Variants in MOV10 observed in about 807,000 individuals in gnomAD.
MOV10 encodes the protein RNA helicase MOV-10.
Under a neutral mutation model 108.4 loss-of-function variants are expected in MOV10, and 39 were observed. The ratio of observed to expected loss-of-function variants is 0.36; its 90% CI spans 0.28 to 0.47. The LOEUF (loss-of-function observed/expected upper bound fraction) is 0.47, where lower values mean the gene tolerates loss of function less well. MOV10 is among the 20% of genes least tolerant of loss of function. MOV10 has a pLI of 1.00. For missense variants in MOV10, 952 were observed against 1,297.6 expected (o/e 0.73, Z 4.09); for synonymous variants, 490 against 523.1 (o/e 0.94, Z 0.86).
In MOV10 at chr1:112,692,759, A is replaced by G. The variant is rs370364431; in HGVS notation, c.972-2A>G. On this transcript the variant is annotated splice_acceptor_variant, in intron 6 of 20. Transcript: ENST00000369645. LOFTEE classifies it high-confidence loss of function. ...CTCACCCCTCCCAACCATCATTTCC[A>G]GGGCCCAGCTGGAGACAGCCCTGAA... 6.2e-7 allele frequency: 1 copy of G among 1,613,638 alleles called. No homozygotes were observed. Among genetic ancestry groups the G allele is most frequent in the Non-Finnish European group, 8.5e-7 (1 of 1,179,920 alleles).
At position 112,696,781 on chromosome 1, in the gene MOV10, C is replaced by T. The variant is rs1186005936; in HGVS notation, c.2133C>T (p.Ser711=). ...SLLERLLTYN[S]LYKKGPDGYD... The stretch of plus-strand genomic sequence containing the variant: ...TGGAGCGGCTGCTCACCTACAACTC[C>T]CTGTACAAGAAGGGCCCTGATGGCT... The change falls in exon 14 of 21, where the codon TCC becomes TCT. Residue 711 remains serine, a synonymous_variant. Coordinates refer to ENST00000369645, the MANE Select transcript of MOV10 (RefSeq NM_001321324.2). 2 of 1,606,122 alleles carry T rather than the reference C, an allele frequency of 1.2e-6. No homozygotes were observed. The highest frequency in any genetic ancestry group is 1.7e-6 in the Non-Finnish European group (2 of 1,176,054).
At chr1:112,696,408 T>C in intron 12 of MOV10, 29 bp from the exon 13 acceptor site, 5 of 1,570,278 alleles carry the variant, frequency 3.2e-6, no homozygotes, top group Non-Finnish European at 4.4e-6. Flanking sequence ...TGCCTGGATA[T>C]GACCCCTGCC....
intron 2 of MOV10, chr1:112,687,180 A>G (rs1673139156): frequency 2.9e-6 from 1 of 349,110 alleles, no homozygotes; most frequent in Non-Finnish European, 5.7e-6. Flanking sequence ...TACTAACAAT[A>G]GTAGCTAACA....
chr1:112,681,011 C>T (rs1459669617), intron 2 of MOV10, among the ~76,000 whole-genome samples: 1 of 151,940 alleles, frequency 6.6e-6, no homozygotes, highest in Non-Finnish European at 1.5e-5. Context: ...TCATTTATCT[C>T]TTTTTGCAGG....
chr1:112,699,718 C>T lies in MOV10; in HGVS notation c.2617C>T (p.Arg873Ter), dbSNP rs1476171944. 6.2e-7 allele frequency: 1 copy of T among 1,614,228 alleles called. No homozygotes were observed. ...GSVEEFQGQE[R>*]SVILISTVRS... Reference sequence around the variant, plus strand: ...AGTAGAAGAATTCCAAGGCCAAGAACGAAGCGTCATCCTCATCTCCACCGT... The same window carrying T: ...AGTAGAAGAATTCCAAGGCCAAGAATGAAGCGTCATCCTCATCTCCACCGT... Residue 873 changes from arginine (R) to a stop codon, truncating the protein, a stop_gained, in exon 18 of 21, where the codon CGA becomes TGA. Transcript: ENST00000369645. LOFTEE classifies it high-confidence loss of function.
intron 15 of MOV10, 45 bp from the exon 16 acceptor site, chr1:112,698,242 A>AG (rs1674290801): frequency 5.0e-6 from 8 of 1,603,530 alleles, no homozygotes; most frequent in Admixed American, 1.7e-5. Context: ...GAGGGAATAG[A>AG]GGGAGGGTGG....
intron 2 of MOV10, chr1:112,685,122 T>C (rs564878402): frequency 2.4e-4 from 37 of 151,772 alleles, no homozygotes; most frequent in African/African-American, 8.0e-4. Context: ...TGGGCTCAAG[T>C]GATCCTTCTG....
intron 2 of MOV10, among the ~76,000 whole-genome samples, chr1:112,678,293 T>C (rs1672356373): frequency 6.6e-6 from 1 of 152,082 alleles, no homozygotes; most frequent in Non-Finnish European, 1.5e-5. Flanking sequence ...TAAGGACTGA[T>C]GTCACGAAAA....
At chr1:112,690,691 A>T (rs1237693702) in intron 5 of MOV10, among the ~76,000 whole-genome samples, 1 of 152,182 alleles carries the variant, frequency 6.6e-6, no homozygotes, top group Non-Finnish European at 1.5e-5. Context: ...AGCTGTATTG[A>T]GATAATTCAC....
At chr1:112,678,401 T>G (rs1329274737) in intron 2 of MOV10, among the ~76,000 whole-genome samples, 27 of 152,006 alleles carry the variant, frequency 1.8e-4, no homozygotes, top group Non-Finnish European at 7.4e-5. Context: ...CAAAAGTGAG[T>G]TGCTAGAAAT....
At chr1:112,688,833 T>G in intron 2 of MOV10, 102 bp from the exon 3 acceptor site, 5 of 1,567,080 alleles carry the variant, frequency 3.2e-6, no homozygotes, top group Non-Finnish European at 4.3e-6. Context: ...AGGGCTGGTG[T>G]GTCCAGCACA....
chr1:112,690,188 G>C, intron 5 of MOV10, 90 bp downstream of exon 5: 2 of 1,496,882 alleles, frequency 1.3e-6, no homozygotes, highest in South Asian at 1.3e-5. Flanking sequence ...CTGGGAGCCA[G>C]AGCCCTTTTC....
chr1:112,700,601 G>T lies in MOV10; in HGVS notation c.*94G>T. ...AGCTGAACTGCCCCTCCAAGGGACA[G>T]GAAGGCTGGGGGAGGGAGTTTACAA... is the stretch of plus-strand genomic sequence containing the variant. On this transcript the variant is annotated 3_prime_UTR_variant, in exon 21 of 21. Coordinates refer to ENST00000369645, the MANE Select transcript of MOV10 (RefSeq NM_001321324.2). 1 of 1,560,788 alleles carries T rather than the reference G, an allele frequency of 6.4e-7. No individual in the cohort carries two copies. Among genetic ancestry groups the T allele is most frequent in the Non-Finnish European group, 8.7e-7 (1 of 1,153,062 alleles).
At position 112,700,330 on chromosome 1, in the gene MOV10, C is replaced by T. The variant is rs139201018; in HGVS notation, c.2910C>T (p.Pro970=). ...NLLQGLSKLS[P]STSGPHSHDY... ...TGCAAGGTCTGAGCAAGCTCAGCCC[C>T]TCTACCTCAGGTATGGCTGGGCCAG... is the stretch of plus-strand genomic sequence containing the variant. Residue 970 remains proline (P), a synonymous_variant, in exon 20 of 21, where the codon CCC becomes CCT. Transcript: ENST00000369645. 5.1e-5 allele frequency: 83 copies of T among 1,614,122 alleles called. No individual in the cohort carries two copies. The highest frequency in any genetic ancestry group is 6.8e-6 in the Non-Finnish European group (8 of 1,180,048).
intron 2 of MOV10, among the ~76,000 whole-genome samples, chr1:112,682,658 G>A (rs1445568530): frequency 6.6e-6 from 1 of 152,138 alleles, no homozygotes; most frequent in African/African-American, 2.4e-5. Flanking sequence ...TCACCCAGAA[G>A]CAACCACTGC....
chr1:112,679,432 C>T (rs1009579068), intron 2 of MOV10, among the ~76,000 whole-genome samples: 2 of 152,008 alleles, frequency 1.3e-5, no homozygotes, highest in African/African-American at 4.8e-5. Context: ...ATTCAGGAAA[C>T]GTTTTCTGTT....
At chr1:112,679,276 A>T (rs537649555) in intron 2 of MOV10, among the ~76,000 whole-genome samples, 40 of 152,126 alleles carry the variant, frequency 2.6e-4, no homozygotes, top group Non-Finnish European at 5.6e-4. Context: ...CAGTGATACA[A>T]GTAGTTGGGA....
intron 2 of MOV10, among the ~76,000 whole-genome samples, chr1:112,684,016 T>C (rs933999751): frequency 6.6e-6 from 1 of 152,040 alleles, no homozygotes; most frequent in African/African-American, 2.4e-5. Flanking sequence ...AGATCTGCAA[T>C]CATAGCTCTC....
intron 7 of MOV10, 111 bp from the exon 8 acceptor site, chr1:112,693,907 G>A: frequency 1.1e-6 from 1 of 891,696 alleles, no homozygotes; most frequent in Admixed American, 2.2e-5. Flanking sequence ...TGAGTCTTAG[G>A]TTAGAAGGCC....
Sources: allele counts gnomAD v4.1 joint callset (sites outside exome capture counted in the v4.1 genomes callset), GRCh38; gene constraint gnomAD v4.1.1; transcripts MANE v1.5; gene names NCBI Gene and HGNC (gene_info 2026-07-23, HGNC 2026-07-21).